ZNF521: variants seen among roughly 807,000 people sequenced by gnomAD.
The protein encoded by ZNF521 is zinc finger protein 521.
ZNF521 carries 14 observed loss-of-function variants against 105.5 expected under a neutral mutation model. The ratio of observed to expected loss-of-function variants is 0.13; its 90% CI spans 0.09 to 0.21. ZNF521 has a LOEUF of 0.21. Among genes scored for constraint, ZNF521 ranks in the 10% least tolerant of loss-of-function variants. The pLI is 1.00. For missense variants in ZNF521, 1,233 were observed against 1,629.7 expected (o/e 0.76, Z 4.19); for synonymous variants, 635 against 606.0 (o/e 1.05, Z -0.70).
intron 3 of ZNF521, among the ~76,000 whole-genome samples, chr18:25,275,094 A>G (rs939437823): frequency 2.6e-5 from 4 of 152,210 alleles, no homozygotes; most frequent in Non-Finnish European, 5.9e-5. Context: ...AAAACTTGCT[A>G]TAGTGCAAAC....
At chr18:25,170,581 TG>T (rs2035430860) in intron 5 of ZNF521, among the ~76,000 whole-genome samples, 1 of 152,162 alleles carries the variant, frequency 6.6e-6, no homozygotes, top group Non-Finnish European at 1.5e-5. Flanking sequence ...TGGTTTCAAA[TG>T]ACAAAGCTTA....
chr18:25,235,756 CCACACTGTATA>C (rs900132187), intron 3 of ZNF521, among the ~76,000 whole-genome samples: 7 of 152,138 alleles, frequency 4.6e-5, no homozygotes, highest in African/African-American at 1.7e-4. Flanking sequence ...CCTGAAAAGG[CCACACTGTATA>C]CTTCACTGCA....
intron 5 of ZNF521, among the ~76,000 whole-genome samples, chr18:25,166,861 A>G (rs1422111918): frequency 6.6e-6 from 1 of 152,214 alleles, no homozygotes; most frequent in African/African-American, 2.4e-5. Flanking sequence ...CTGGTGCAGT[A>G]TTTGATTTAG....
chr18:25,297,543 C>T (rs774608197), intron 3 of ZNF521, among the ~76,000 whole-genome samples: 6 of 151,958 alleles, frequency 3.9e-5, no homozygotes, highest in African/African-American at 7.3e-5. Context: ...AAAATGAATG[C>T]GAATACCACT....
chr18:25,322,231 T>C (rs764609666), intron 2 of ZNF521, 44 bp from the exon 3 acceptor site: 8 of 1,582,022 alleles, frequency 5.1e-6, no homozygotes, highest in Non-Finnish European at 6.9e-6. Flanking sequence ...AAAGACAGGT[T>C]CTTTTAAAGT....
intron 4 of ZNF521, 40 bp from the exon 5 acceptor site, chr18:25,195,284 G>T: frequency 7.0e-7 from 1 of 1,426,994 alleles, no homozygotes; most frequent in East Asian, 2.4e-5. Context: ...TAGACACATG[G>T]ACTTTTAATT....
chr18:25,174,979 C>G (rs1484423302), intron 5 of ZNF521, among the ~76,000 whole-genome samples: 1 of 152,146 alleles, frequency 6.6e-6, no homozygotes, highest in Non-Finnish European at 1.5e-5. Context: ...TGACCAAGGT[C>G]CAGCGGTAAA....
At chr18:25,168,379 CTT>C (rs924264852) in intron 5 of ZNF521, among the ~76,000 whole-genome samples, 2 of 152,136 alleles carry the variant, frequency 1.3e-5, no homozygotes, top group African/African-American at 4.8e-5. Flanking sequence ...CTCTTCAACC[CTT>C]TTCTCCCGGT....
intron 5 of ZNF521, among the ~76,000 whole-genome samples, chr18:25,131,863 G>A (rs2034647635): frequency 6.6e-6 from 1 of 152,126 alleles, no homozygotes; most frequent in South Asian, 2.1e-4. Flanking sequence ...GTAGTTTAGT[G>A]TAGCAAATCT....
chr18:25,253,673 TGTCATAA>T (rs891711971), intron 3 of ZNF521, among the ~76,000 whole-genome samples: 1 of 152,158 alleles, frequency 6.6e-6, no homozygotes, highest in Non-Finnish European at 1.5e-5. Flanking sequence ...ACAATGGAGC[TGTCATAA>T]GTCAAAGTTA....
intron 4 of ZNF521, among the ~76,000 whole-genome samples, chr18:25,212,539 ATATAT>A (rs1427179695): frequency 3.5e-4 from 17 of 47,908 alleles, no homozygotes; most frequent in African/African-American, 1.5e-3. Context: ...AAAAAAAAAA[ATATAT>A]ATATATATAT....
At chr18:25,068,098 G>A (rs549712786) in intron 7 of ZNF521, among the ~76,000 whole-genome samples, 2 of 152,190 alleles carry the variant, frequency 1.3e-5, no homozygotes, top group South Asian at 2.1e-4. Context: ...TTAGAAACCC[G>A]AATTTAAACT....
At chr18:25,075,071 G>GC (rs2033327747) in intron 7 of ZNF521, among the ~76,000 whole-genome samples, 1 of 152,122 alleles carries the variant, frequency 6.6e-6, no homozygotes, top group Admixed American at 6.5e-5. Flanking sequence ...CAGGCATGGT[G>GC]CAAACTCATG....
intron 3 of ZNF521, among the ~76,000 whole-genome samples, chr18:25,237,832 G>A (rs775357438): frequency 6.6e-6 from 1 of 152,106 alleles, no homozygotes; most frequent in Non-Finnish European, 1.5e-5. Flanking sequence ...TCTGACTTTA[G>A]GGCTCAAAGG....
chr18:25,230,113 G>C (rs1265890666), intron 3 of ZNF521, among the ~76,000 whole-genome samples: 1 of 152,114 alleles, frequency 6.6e-6, no homozygotes, highest in African/African-American at 2.4e-5. Flanking sequence ...GTTTTAACCA[G>C]GATTCAAGAG....
At chr18:25,337,858 G>A (rs1277361181) in intron 2 of ZNF521, among the ~76,000 whole-genome samples, 1 of 152,152 alleles carries the variant, frequency 6.6e-6, no homozygotes, top group African/African-American at 2.4e-5. Context: ...CTGATGACCA[G>A]CAGCTGGGGA....
chr18:25,321,961 G>A, intron 3 of ZNF521, 47 bp downstream of exon 3: 1 of 1,538,772 alleles, frequency 6.5e-7, no homozygotes, highest in South Asian at 1.2e-5. Context: ...GAAAAAATCA[G>A]AAATAGAACA....
intron 2 of ZNF521, among the ~76,000 whole-genome samples, chr18:25,342,138 T>C (rs955509138): frequency 4.6e-5 from 7 of 152,214 alleles, no homozygotes; most frequent in Non-Finnish European, 1.0e-4. Flanking sequence ...ACAATACTTA[T>C]GACCATAACT....
At chr18:25,124,910 C>G (rs2034510965) in intron 5 of ZNF521, among the ~76,000 whole-genome samples, 1 of 152,152 alleles carries the variant, frequency 6.6e-6, no homozygotes, top group South Asian at 2.1e-4. Context: ...ACAGTAACAA[C>G]TAGTTCTACT....
Sources: gnomAD v4.1 joint callset for allele counts (sites outside exome capture counted in the v4.1 genomes callset) on GRCh38, gnomAD v4.1.1 for gene constraint, MANE v1.5 for transcripts, NCBI Gene and HGNC (gene_info 2026-07-23, HGNC 2026-07-21) for gene names.